CCDC192: variants seen among roughly 807,000 people sequenced by gnomAD.
The protein encoded by CCDC192 is coiled-coil domain containing 192.
At chr5:127,906,343 A>G (rs1357483371) in intron 6 of CCDC192, among the ~76,000 whole-genome samples, 1 of 152,226 alleles carries the variant, frequency 6.6e-6, no homozygotes, top group Non-Finnish European at 1.5e-5. Flanking sequence ...TGTAGCATGT[A>G]TCAGAATTGC....
At chr5:127,940,857 TG>T in intron 6 of CCDC192, 1 of 210,022 alleles carries the variant, frequency 4.8e-6, no homozygotes, top group Middle Eastern at 1.7e-3. Flanking sequence ...AACGTTAGGA[TG>T]GCCTTTGTTT....
chr5:127,848,319 T>C (rs1750652193), intron 5 of CCDC192, among the ~76,000 whole-genome samples: 2 of 152,212 alleles, frequency 1.3e-5, no homozygotes, highest in Non-Finnish European at 2.9e-5. Context: ...GATTTAGCCA[T>C]TGCCCAACTT....
intron 5 of CCDC192, among the ~76,000 whole-genome samples, chr5:127,800,394 A>C (rs1406785539): frequency 1.9e-4 from 26 of 138,436 alleles, no homozygotes; most frequent in Admixed American, 5.8e-4. Context: ...AAAAAAAAAA[A>C]AAAAAAACAA....
intron 5 of CCDC192, among the ~76,000 whole-genome samples, chr5:127,801,737 TA>T (rs1195513572): frequency 1.3e-5 from 2 of 152,176 alleles, no homozygotes; most frequent in Non-Finnish European, 2.9e-5. Flanking sequence ...TTTGAGCTGT[TA>T]AAGTAAACAT....
At chr5:127,785,226 G>A in intron 3 of CCDC192, 1 of 520,582 alleles carries the variant, frequency 1.9e-6, no homozygotes, top group South Asian at 1.4e-5. Flanking sequence ...CACTGTGACA[G>A]CTGGCATAGA....
intron 3 of CCDC192, chr5:127,786,286 T>C (rs1271599727): frequency 1.6e-6 from 1 of 637,544 alleles, no homozygotes; most frequent in African/African-American, 1.8e-5. Context: ...AGTAACTGGG[T>C]TCTGCTGCAA....
intron 6 of CCDC192, among the ~76,000 whole-genome samples, chr5:127,918,110 G>A (rs1561551190): frequency 1.3e-5 from 2 of 151,734 alleles, no homozygotes; most frequent in Non-Finnish European, 2.9e-5. Context: ...ATTCCAGTCT[G>A]GGTAACAGAG....
At chr5:127,810,808 G>C (rs1758039491) in intron 5 of CCDC192, among the ~76,000 whole-genome samples, 1 of 152,122 alleles carries the variant, frequency 6.6e-6, no homozygotes, top group Non-Finnish European at 1.5e-5. Context: ...TCATGTGTTA[G>C]CAGAAAGTTC....
chr5:127,865,372 A>G (rs1396538372), intron 5 of CCDC192, among the ~76,000 whole-genome samples: 1 of 152,020 alleles, frequency 6.6e-6, no homozygotes, highest in Non-Finnish European at 1.5e-5. Context: ...CAGGTGCTCA[A>G]CTACTTCCAC....
chr5:127,862,928 TA>T (rs34046354), intron 5 of CCDC192, among the ~76,000 whole-genome samples: 2,548 of 134,286 alleles, frequency 0.019, 66 homozygotes, highest in African/African-American at 0.054. Flanking sequence ...TTCCTTTATT[TA>T]AAAAAAAAAA....
intron 5 of CCDC192, among the ~76,000 whole-genome samples, chr5:127,872,364 C>T (rs976019355): frequency 6.6e-6 from 1 of 152,164 alleles, no homozygotes; most frequent in Non-Finnish European, 1.5e-5. Context: ...GCTTTGTTAA[C>T]CTTCTTATCT....
At chr5:127,875,429 A>T in intron 5 of CCDC192, 109 bp from the exon 6 acceptor site, 1 of 390,344 alleles carries the variant, frequency 2.6e-6, no homozygotes, top group Non-Finnish European at 4.5e-6. Context: ...GGAGTGTTTC[A>T]TCTAAGCAGG....
At chr5:127,939,709 G>A (rs566810220) in intron 6 of CCDC192, among the ~76,000 whole-genome samples, 21 of 148,990 alleles carry the variant, frequency 1.4e-4, no homozygotes, top group East Asian at 3.9e-4. Flanking sequence ...TTTTGCCTGC[G>A]CGCACTACTA....
Position 127,797,968 on chromosome 5 carries a change from T to C in CCDC192, c.355-138T>C, listed in dbSNP as rs181226649. 8.7e-4 allele frequency: 338 copies of C among 388,838 alleles called. 1 individual carries two copies. The highest frequency in any genetic ancestry group is 6.5e-3 in the African/African-American group (316 of 48,340). 24.1% of individuals were successfully genotyped at this position (388,838 alleles called of 1,614,324 possible). A position where few individuals can be genotyped will look rare whatever the true frequency, so the allele number is the denominator to read the frequency against. ...AGGAATGGGGGGATGATTTCTCCAA[T>C]GATGGTTTTCAAAACGTAGCTGAAA... On this transcript the variant is annotated intron_variant, in intron 4 of 6. Coordinates refer to ENST00000514853, the MANE Select transcript of CCDC192 (RefSeq NM_001317938.2).
At chr5:127,748,644 G>C (rs1476643592) in intron 2 of CCDC192, among the ~76,000 whole-genome samples, 1 of 142,306 alleles carries the variant, frequency 7.0e-6, no homozygotes, top group Non-Finnish European at 1.6e-5. Context: ...ATTCTGTGAA[G>C]AAAGGCATTG....
chr5:127,760,952 G>A (rs962580660), intron 3 of CCDC192, among the ~76,000 whole-genome samples: 4 of 150,434 alleles, frequency 2.7e-5, no homozygotes, highest in African/African-American at 9.8e-5. Flanking sequence ...AAAATATTAT[G>A]TGTATGTTGT....
chr5:127,752,722 C>T (rs1754281660), intron 2 of CCDC192, among the ~76,000 whole-genome samples: 1 of 152,198 alleles, frequency 6.6e-6, no homozygotes, highest in Non-Finnish European at 1.5e-5. Flanking sequence ...CTCGCTGCCG[C>T]CTTGCAGTTT....
chr5:127,912,637 A>T (rs191922970), intron 6 of CCDC192, among the ~76,000 whole-genome samples: 5 of 152,276 alleles, frequency 3.3e-5, no homozygotes, highest in Admixed American at 3.3e-4. Flanking sequence ...TGTGGTGATA[A>T]GAAGGTGTTC....
chr5:127,899,561 CA>C (rs10537626), intron 6 of CCDC192, among the ~76,000 whole-genome samples: 3,119 of 137,350 alleles, frequency 0.023, 30 homozygotes, highest in African/African-American at 0.036. Flanking sequence ...CACACTGCAC[CA>C]AAAAAAAAAA....
Sources: gnomAD v4.1 joint callset for allele counts (sites outside exome capture counted in the v4.1 genomes callset) on GRCh38, gnomAD v4.1.1 for gene constraint, MANE v1.5 for transcripts, NCBI Gene and HGNC (gene_info 2026-07-23, HGNC 2026-07-21) for gene names.